Variants in TNIK observed in about 807,000 individuals in gnomAD.
TNIK encodes TRAF2 and NCK interacting kinase, also known as TRAF2 and NCK-interacting protein kinase.
In TNIK, 49 loss-of-function variants were observed where a neutral mutation model predicts 191.3. That is an observed-to-expected ratio of 0.26 (90% CI 0.20 to 0.32). The LOEUF is 0.32. Ranked by LOEUF, TNIK falls within the 10% of genes least tolerant of loss-of-function variation. The probability of loss-of-function intolerance (pLI) is 1.00; values close to 1 mark genes in which losing one functional copy is unlikely to be tolerated. For synonymous variants in TNIK, 594 were observed against 600.9 expected (o/e 0.99, Z 0.17); for missense variants, 1,155 against 1,702.3 (o/e 0.68, Z 5.66).
chr3:171,164,900 G>A (rs1206234033), intron 10 of TNIK, among the ~76,000 whole-genome samples: 1 of 152,168 alleles, frequency 6.6e-6, no homozygotes, highest in African/African-American at 2.4e-5. Flanking sequence ...CTTATTAACT[G>A]CAGATGAGCC....
At chr3:171,264,023 T>C (rs965107055) in intron 2 of TNIK, among the ~76,000 whole-genome samples, 2 of 149,632 alleles carry the variant, frequency 1.3e-5, no homozygotes, top group Non-Finnish European at 3.0e-5. Context: ...TATATATGTA[T>C]GTGTGTGTGT....
At chr3:171,365,112 G>A (rs1047028655) in intron 2 of TNIK, among the ~76,000 whole-genome samples, 2 of 140,430 alleles carry the variant, frequency 1.4e-5, no homozygotes, top group East Asian at 2.3e-4. Flanking sequence ...GAGGAAGAAC[G>A]GAGAAATTTT....
At chr3:171,305,565 A>G (rs150050254) in intron 2 of TNIK, among the ~76,000 whole-genome samples, 3,628 of 152,322 alleles carry the variant, frequency 0.024, 163 homozygotes, top group African/African-American at 0.084. Context: ...ACATGAAAAG[A>G]CACTTTTCAA....
chr3:171,387,843 T>A (rs1718937028), intron 1 of TNIK, among the ~76,000 whole-genome samples: 1 of 152,122 alleles, frequency 6.6e-6, no homozygotes, highest in South Asian at 2.1e-4. Flanking sequence ...TTGCGGTATC[T>A]TACAGGTGGG....
intron 1 of TNIK, among the ~76,000 whole-genome samples, chr3:171,447,339 T>C (rs1490403316): frequency 6.6e-6 from 1 of 150,662 alleles, no homozygotes; most frequent in African/African-American, 2.4e-5. Flanking sequence ...AATCTGACAT[T>C]GGTCATCTTA....
At chr3:171,132,399 G>A (rs1003216511) in intron 15 of TNIK, among the ~76,000 whole-genome samples, 1 of 151,902 alleles carries the variant, frequency 6.6e-6, no homozygotes, top group Admixed American at 6.6e-5. Flanking sequence ...TATATAGAGA[G>A]AAAAAAAATA....
intron 1 of TNIK, among the ~76,000 whole-genome samples, chr3:171,394,481 C>T (rs763785803): frequency 4.0e-5 from 6 of 150,344 alleles, no homozygotes; most frequent in Non-Finnish European, 8.9e-5. Context: ...TGATCTATGT[C>T]CCCCAAAAGA....
At chr3:171,285,120 C>T (rs1206684569) in intron 2 of TNIK, among the ~76,000 whole-genome samples, 1 of 152,038 alleles carries the variant, frequency 6.6e-6, no homozygotes, top group Non-Finnish European at 1.5e-5. Flanking sequence ...AAGAAATGTG[C>T]CTTAAATTAT....
At chr3:171,213,979 G>A (rs943866656) in intron 3 of TNIK, among the ~76,000 whole-genome samples, 22 of 151,910 alleles carry the variant, frequency 1.4e-4, no homozygotes, top group African/African-American at 5.3e-4. Context: ...TAAATAAAAG[G>A]GCAGGAAGGC....
chr3:171,286,529 G>A (rs11917720), intron 2 of TNIK, among the ~76,000 whole-genome samples: 81,163 of 151,966 alleles, frequency 0.53, 22,608 homozygotes, highest in African/African-American at 0.65. Flanking sequence ...CAGCTACTGG[G>A]GAAGCTGAGG....
At chr3:171,182,560 G>A (rs1481039331) in intron 7 of TNIK, among the ~76,000 whole-genome samples, 1 of 152,168 alleles carries the variant, frequency 6.6e-6, no homozygotes, top group Non-Finnish European at 1.5e-5. Context: ...CCTGTGGCAT[G>A]ATTAATACCC....
At chr3:171,164,211 A>T (rs915702630) in intron 10 of TNIK, among the ~76,000 whole-genome samples, 4 of 152,246 alleles carry the variant, frequency 2.6e-5, no homozygotes, top group Non-Finnish European at 5.9e-5. Flanking sequence ...CACATTAAAA[A>T]TGATCTATCT....
chr3:171,238,247 A>C (rs941146730), intron 2 of TNIK, among the ~76,000 whole-genome samples: 2 of 152,082 alleles, frequency 1.3e-5, no homozygotes, highest in Non-Finnish European at 2.9e-5. Flanking sequence ...CATAAAATTC[A>C]AAAAAATTGA....
At chr3:171,117,103 T>G (rs1237111121) in intron 18 of TNIK, among the ~76,000 whole-genome samples, 1 of 152,112 alleles carries the variant, frequency 6.6e-6, no homozygotes, top group African/African-American at 2.4e-5. Flanking sequence ...TATAAATGGG[T>G]CTCATGAGAC....
intron 19 of TNIK, among the ~76,000 whole-genome samples, chr3:171,108,739 G>C (rs1160266322): frequency 1.3e-5 from 2 of 152,192 alleles, no homozygotes; most frequent in African/African-American, 4.8e-5. Context: ...TGGTGGAACG[G>C]TTTTTAATTG....
intron 4 of TNIK, among the ~76,000 whole-genome samples, chr3:171,199,278 AC>A (rs1489259456): frequency 6.6e-6 from 1 of 151,906 alleles, no homozygotes; most frequent in Non-Finnish European, 1.5e-5. Flanking sequence ...GCTGATAATT[AC>A]CGCCACCACA....
At chr3:171,416,460 G>C (rs890859605) in intron 1 of TNIK, among the ~76,000 whole-genome samples, 5 of 151,584 alleles carry the variant, frequency 3.3e-5, no homozygotes, top group Admixed American at 2.6e-4. Context: ...AAGAAAAAAA[G>C]ACTCAGTTGG....
intron 1 of TNIK, among the ~76,000 whole-genome samples, chr3:171,387,664 GACA>G (rs1252502160): frequency 1.3e-5 from 2 of 152,156 alleles, no homozygotes; most frequent in Non-Finnish European, 2.9e-5. Flanking sequence ...TAAGAATAAT[GACA>G]ACAATTGAAG....
chr3:171,064,057 C>T, intron 32 of TNIK, 93 bp from the exon 33 acceptor site: 9 of 1,194,008 alleles, frequency 7.5e-6, no homozygotes, highest in Non-Finnish European at 1.1e-5. Context: ...ATGTCCTATC[C>T]TTGCCATGTG....
Sources: allele counts gnomAD v4.1 joint callset (sites outside exome capture counted in the v4.1 genomes callset), GRCh38; gene constraint gnomAD v4.1.1; transcripts MANE v1.5; gene names NCBI Gene and HGNC (gene_info 2026-07-23, HGNC 2026-07-21).